EBF4: variants seen among roughly 807,000 people sequenced by gnomAD.
EBF4 encodes EBF transcription factor 4, also known as transcription factor COE4.
In EBF4, 34 loss-of-function variants were observed where a neutral mutation model predicts 67.1. That is an observed-to-expected ratio of 0.51 (90% CI 0.39 to 0.67). The LOEUF is 0.67. Ranked by LOEUF, EBF4 falls within the 30% of genes least tolerant of loss-of-function variation. EBF4 has a pLI of 0.00. For synonymous variants in EBF4, 387 were observed against 377.7 expected, an observed-to-expected ratio of 1.02 and a Z score of -0.29; for missense variants, 837 against 873.3, an observed-to-expected ratio of 0.96 and a Z score of 0.52.
At chr20:2,729,743 G>A (rs1190129546) in intron 6 of EBF4, among the ~76,000 whole-genome samples, 4 of 152,188 alleles carry the variant, frequency 2.6e-5, no homozygotes, top group East Asian at 1.9e-4. Context: ...AAAAGAGTCC[G>A]TTTTCACATC....
chr20:2,758,935 T>G (rs1396310232), exon 16 of EBF4: 1 of 1,551,676 alleles, frequency 6.4e-7, no homozygotes, highest in African/African-American at 1.4e-5. Flanking sequence ...TTCTGACAAG[T>G]TTCACTCTCC....
chr20:2,736,943 C>A (rs975675179), intron 6 of EBF4, among the ~76,000 whole-genome samples: 1 of 152,130 alleles, frequency 6.6e-6, no homozygotes, highest in Admixed American at 6.5e-5. Flanking sequence ...TTGGACAGTG[C>A]CTCCATAGAA....
At chr20:2,754,795 G>A (rs1204838200) in intron 14 of EBF4, among the ~76,000 whole-genome samples, 1 of 152,190 alleles carries the variant, frequency 6.6e-6, no homozygotes, top group Admixed American at 6.5e-5. Flanking sequence ...AGGAGAGGAG[G>A]CTGCAGGAAG....
intron 6 of EBF4, among the ~76,000 whole-genome samples, chr20:2,746,041 A>T (rs1012905284): frequency 6.6e-6 from 1 of 152,160 alleles, no homozygotes; most frequent in Non-Finnish European, 1.5e-5. Context: ...GCACACGAGT[A>T]CTTAATTTAA....
intron 6 of EBF4, among the ~76,000 whole-genome samples, chr20:2,744,492 C>CTTTTTTTTTTTTTTTTTTTTTTTTTT (rs35298353): frequency 1.7e-5 from 2 of 115,892 alleles, no homozygotes; most frequent in African/African-American, 3.3e-5. Flanking sequence ...TTTTTCTTTT[C>CTTTTTTTTTTTTTTTTTTTTTTTTTT]TTTTTTTTTT....
At chr20:2,742,997 A>G (rs2087990013) in intron 6 of EBF4, among the ~76,000 whole-genome samples, 1 of 151,666 alleles carries the variant, frequency 6.6e-6, no homozygotes, top group Non-Finnish European at 1.5e-5. Context: ...TCCCATGTCC[A>G]CATGTGTTCC....
At chr20:2,714,685 T>A (rs1005504393) in intron 6 of EBF4, among the ~76,000 whole-genome samples, 10 of 152,356 alleles carry the variant, frequency 6.6e-5, no homozygotes, top group Non-Finnish European at 1.2e-4. Flanking sequence ...ATTGACTTTT[T>A]AAAAAACTGA....
At chr20:2,693,488 A>G, upstream of EBF4, 1 of 878,494 alleles carries the variant, frequency 1.1e-6, no homozygotes, top group Non-Finnish European at 1.5e-6. This position sits in a 1 kb window ranked among gnomAD's most constrained non-coding sequence, Gnocchi z 4.6. Context: ...GCTTTCTCCG[A>G]GGGAGCGCCC....
chr20:2,749,660 C>G, exon 9 of EBF4: 3 of 1,567,656 alleles, frequency 1.9e-6, no homozygotes, highest in Non-Finnish European at 2.6e-6. Flanking sequence ...CCGGGGAGGG[C>G]TGGACCACGG....
At position 2,755,735 on chromosome 20, in the gene EBF4, TCAAA is replaced by T; in HGVS notation, c.1652_1655del (p.Lys551ArgfsTer?). 1.9e-6 allele frequency: 3 copies of T among 1,550,650 alleles called. No homozygotes were observed. The highest frequency in any genetic ancestry group is 2.6e-6 in the Non-Finnish European group (3 of 1,146,842). On this transcript the variant is annotated frameshift_variant, in exon 15 of 17. Transcript: ENST00000609451. LOFTEE classifies it high-confidence loss of function. This position sits in a 1 kb window ranked among gnomAD's most constrained non-coding sequence, Gnocchi z 4.7. ...TCGCCTGTCAACATGATCTCCGCCG[TCAAA>T]CAGAGGAGCGCCTTCGCCCCCGTGC...
At chr20:2,735,571 C>T (rs1230144724) in intron 6 of EBF4, among the ~76,000 whole-genome samples, 1 of 152,208 alleles carries the variant, frequency 6.6e-6, no homozygotes, top group East Asian at 1.9e-4. Flanking sequence ...CTTTACTTAG[C>T]AATTCCCAAA....
Position 2,705,568 on chromosome 20 carries a change from C to T in EBF4, c.138-9C>T, listed in dbSNP as rs2087440946. On this transcript the variant is annotated splice_polypyrimidine_tract_variant and intron_variant, in intron 1 of 16. Transcript: ENST00000609451. The stretch of plus-strand genomic sequence containing the variant: ...TTCCAGTGGTTTTCCAGCTCTTTTC[C>T]TCCCACAGTGGCGTGGGTCTGGCAC... The T allele has an allele frequency of 6.4e-7, 1 of 1,551,680 alleles. No homozygotes were observed. Among genetic ancestry groups the T allele is most frequent in the Non-Finnish European group, 8.7e-7 (1 of 1,147,032 alleles).
chr20:2,723,696 C>G (rs759949196), intron 6 of EBF4, among the ~76,000 whole-genome samples: 1 of 152,112 alleles, frequency 6.6e-6, no homozygotes, highest in Non-Finnish European at 1.5e-5. Context: ...TAAATCTAGT[C>G]TATTTTTTAA....
chr20:2,729,283 A>C (rs373724111), intron 6 of EBF4, among the ~76,000 whole-genome samples: 1 of 152,108 alleles, frequency 6.6e-6, no homozygotes. Context: ...AAAGAACCCA[A>C]ATCTGGCTGA....
chr20:2,707,424 G>A lies in EBF4; in HGVS notation c.415-523G>A, dbSNP rs6051322. 2.6e-5 allele frequency among the ~76,000 whole-genome samples: 4 copies of A among 152,174 alleles called. No individual in the cohort carries two copies. Among genetic ancestry groups the A allele is most frequent in the Non-Finnish European group, 4.4e-5 (3 of 68,020 alleles). ...CCAGGGGAAGACCGAGCCTGGGCTA[G>A]GGATGGTATGGGGGAAGAGGCGATA... On this transcript the variant is annotated intron_variant, in intron 4 of 16. Coordinates refer to ENST00000609451, the Ensembl canonical transcript of EBF4. The surrounding 1 kb of genome is among the most constrained non-coding windows in gnomAD (Gnocchi z 4.6).
chr20:2,742,371 G>A (rs1455985225), intron 6 of EBF4, among the ~76,000 whole-genome samples: 1 of 152,192 alleles, frequency 6.6e-6, no homozygotes, highest in African/African-American at 2.4e-5. Flanking sequence ...TGCCTGATGG[G>A]TTAGACCTGG....
At chr20:2,744,877 A>G (rs1258105475) in intron 6 of EBF4, among the ~76,000 whole-genome samples, 2 of 152,166 alleles carry the variant, frequency 1.3e-5, no homozygotes, top group African/African-American at 4.8e-5. Flanking sequence ...ATTTAACCCA[A>G]TATATCTAAA....
At chr20:2,752,736 G>C (rs1420326790) in intron 14 of EBF4, among the ~76,000 whole-genome samples, 191 bp downstream of exon 14, 1 of 152,182 alleles carries the variant, frequency 6.6e-6, no homozygotes, top group African/African-American at 2.4e-5. Context: ...CCCACCCCTA[G>C]GCTGCACATC....
At position 2,696,965 on chromosome 20, in the gene EBF4, TC is replaced by T. The variant is rs1394121902; in HGVS notation, c.137+3185del. Among the ~76,000 whole-genome samples the T allele has an allele frequency of 1.3e-5, 2 of 152,172 alleles. No homozygotes were observed. The highest frequency in any genetic ancestry group is 6.5e-5 in the Admixed American group (1 of 15,270). On this transcript the variant is annotated intron_variant, in intron 1 of 16. Transcript: ENST00000609451. This position sits in a 1 kb window ranked among gnomAD's most constrained non-coding sequence, Gnocchi z 4.7. The stretch of plus-strand genomic sequence containing the variant: ...CAGCACCCAGGGCAGGCTCAGGCAG[TC>T]CATGGGGGATGGGGGTGATGACTGT...
Sources: allele counts gnomAD v4.1 joint callset (sites outside exome capture counted in the v4.1 genomes callset), GRCh38; gene constraint gnomAD v4.1.1; non-coding constraint Gnocchi (gnomAD v3.1); transcripts MANE v1.5; gene names NCBI Gene and HGNC (gene_info 2026-07-23, HGNC 2026-07-21).